The following SNTG1 variants were observed in gnomAD, a reference collection of about 807,000 sequenced individuals.
The protein encoded by SNTG1 is gamma-1-syntrophin.
Under a neutral mutation model 74.7 loss-of-function variants are expected in SNTG1, and 39 were observed. The ratio of observed to expected loss-of-function variants is 0.52; its 90% CI spans 0.40 to 0.68. The LOEUF is 0.68. Ranked by LOEUF, SNTG1 falls within the 30% of genes least tolerant of loss-of-function variation. The pLI, the probability that SNTG1 is intolerant of heterozygous loss-of-function variation, is 0.00. For synonymous variants in SNTG1, 254 were observed against 217.1 expected (o/e 1.17, Z -1.49); for missense variants, 685 against 609.5 (o/e 1.12, Z -1.30).
intron 1 of SNTG1, among the ~76,000 whole-genome samples, chr8:50,031,975 A>G (rs1450939665): frequency 6.6e-6 from 1 of 152,138 alleles, no homozygotes; most frequent in African/African-American, 2.4e-5. Context: ...TTTCCTTAAC[A>G]GTTGTGAGGT....
chr8:49,925,721 C>G (rs955061451), intron 1 of SNTG1, among the ~76,000 whole-genome samples: 3 of 152,130 alleles, frequency 2.0e-5, no homozygotes, highest in African/African-American at 7.2e-5. Context: ...ATTTTTTGCA[C>G]TCAGAGTAAA....
At chr8:50,638,435 A>G (rs1270502620) in intron 13 of SNTG1, among the ~76,000 whole-genome samples, 2 of 152,138 alleles carry the variant, frequency 1.3e-5, no homozygotes, top group Admixed American at 6.5e-5. Context: ...AAGCTATCAT[A>G]TAATAAAATT....
At chr8:50,287,659 C>T (rs554145822) in intron 2 of SNTG1, among the ~76,000 whole-genome samples, 3 of 152,274 alleles carry the variant, frequency 2.0e-5, no homozygotes, top group Admixed American at 6.5e-5. Context: ...AACCTGTCTT[C>T]CTGCTTCCAC....
At chr8:50,622,069 C>T (rs2094926794) in intron 13 of SNTG1, among the ~76,000 whole-genome samples, 1 of 152,124 alleles carries the variant, frequency 6.6e-6, no homozygotes, top group Non-Finnish European at 1.5e-5. Flanking sequence ...GCTAATTCTC[C>T]AACTTGCCTC....
At chr8:50,683,579 T>C (rs1015616942) in intron 15 of SNTG1, among the ~76,000 whole-genome samples, 1 of 152,188 alleles carries the variant, frequency 6.6e-6, no homozygotes, top group African/African-American at 2.4e-5. Context: ...CTGCAATTTT[T>C]ACATCTCCCT....
rs140655312 is a variant in SNTG1 at position 50,053,847 on chromosome 8, G to A, written c.-102-118714G>A. Among the ~76,000 whole-genome samples the A allele has an allele frequency of 1.2e-3, 189 of 151,890 alleles. 4 individuals carry two copies. The highest frequency in any genetic ancestry group is 9.9e-3 in the Admixed American group (151 of 15,228). ...ATTGTGAGCTAAACTTCATTTTTCT[G>A]ATGACTTCTCTCATATTCTAAATCC... On this transcript the variant is annotated intron_variant, in intron 1 of 18. Transcript: ENST00000642720.
At chr8:50,495,736 A>G (rs1271642511) in intron 8 of SNTG1, among the ~76,000 whole-genome samples, 1 of 152,154 alleles carries the variant, frequency 6.6e-6, no homozygotes, top group Non-Finnish European at 1.5e-5. Flanking sequence ...AGCAACTGCC[A>G]TGACCCTGTG....
chr8:50,738,453 G>A (rs2095534546), intron 17 of SNTG1, among the ~76,000 whole-genome samples: 1 of 152,090 alleles, frequency 6.6e-6, no homozygotes, highest in Admixed American at 6.6e-5. Context: ...TGAATAGGAA[G>A]AATCAATATT....
At chr8:49,926,099 A>G (rs1807001718) in intron 1 of SNTG1, among the ~76,000 whole-genome samples, 1 of 152,174 alleles carries the variant, frequency 6.6e-6, no homozygotes, top group South Asian at 2.1e-4. Context: ...CCTTTTCTCT[A>G]TTAGTTTCAG....
At chr8:50,329,637 G>A (rs900746831) in intron 2 of SNTG1, among the ~76,000 whole-genome samples, 1 of 151,814 alleles carries the variant, frequency 6.6e-6, no homozygotes, top group Non-Finnish European at 1.5e-5. Context: ...CCAGGTCCTG[G>A]GCCTGGTCCA....
intron 1 of SNTG1, among the ~76,000 whole-genome samples, chr8:49,992,712 C>A (rs1813807116): frequency 1.3e-5 from 2 of 152,290 alleles, no homozygotes; most frequent in African/African-American, 4.8e-5. Context: ...TGATTAAATG[C>A]TTTGCCATCG....
At chr8:49,977,844 G>A (rs1257145997) in intron 1 of SNTG1, among the ~76,000 whole-genome samples, 1 of 152,228 alleles carries the variant, frequency 6.6e-6, no homozygotes. Flanking sequence ...AAGACATGCA[G>A]ACTCTGTAGT....
intron 2 of SNTG1, among the ~76,000 whole-genome samples, chr8:50,180,299 C>T (rs2083155103): frequency 6.6e-6 from 1 of 151,992 alleles, no homozygotes. Flanking sequence ...AGATGGGAAT[C>T]AAAGAGTACA....
intron 1 of SNTG1, among the ~76,000 whole-genome samples, chr8:49,969,783 A>G (rs1811489957): frequency 6.6e-6 from 1 of 152,168 alleles, no homozygotes; most frequent in Non-Finnish European, 1.5e-5. Flanking sequence ...CTCACTGTCA[A>G]AACAACAATG....
At chr8:50,203,685 C>T (rs952370495) in intron 2 of SNTG1, among the ~76,000 whole-genome samples, 26 of 151,776 alleles carry the variant, frequency 1.7e-4, no homozygotes, top group African/African-American at 4.6e-4. Context: ...AGCTTAGTTT[C>T]GTATTAATAC....
intron 2 of SNTG1, among the ~76,000 whole-genome samples, chr8:50,173,039 G>A (rs1563693345): frequency 6.8e-6 from 1 of 147,886 alleles, no homozygotes; most frequent in Admixed American, 6.8e-5. Context: ...ACATTTCAGT[G>A]AGCTGCGATT....
chr8:50,339,193 A>G (rs1049472778), intron 2 of SNTG1, among the ~76,000 whole-genome samples: 1 of 152,094 alleles, frequency 6.6e-6, no homozygotes, highest in African/African-American at 2.4e-5. Context: ...GGAATTCTGT[A>G]TCAAGTTAAA....
At chr8:50,727,365 G>A (rs566322203) in intron 17 of SNTG1, among the ~76,000 whole-genome samples, 1 of 152,184 alleles carries the variant, frequency 6.6e-6, no homozygotes, top group East Asian at 1.9e-4. Context: ...TCTTAGATTG[G>A]GTTCCGTTAA....
At chr8:50,700,616 G>A (rs919766288) in intron 15 of SNTG1, among the ~76,000 whole-genome samples, 1 of 152,214 alleles carries the variant, frequency 6.6e-6, no homozygotes, top group Non-Finnish European at 1.5e-5. Flanking sequence ...GCTTGCACCA[G>A]GTTGCTCTTG....
Sources: gnomAD v4.1 joint callset for allele counts (sites outside exome capture counted in the v4.1 genomes callset) on GRCh38, gnomAD v4.1.1 for gene constraint, MANE v1.5 for transcripts, NCBI Gene and HGNC (gene_info 2026-07-23, HGNC 2026-07-21) for gene names.